The following DIP2B variants were observed in gnomAD, a reference collection of about 807,000 sequenced individuals.
DIP2B encodes the protein DIP2 acetate--CoA ligase B (putative).
In DIP2B, 76 loss-of-function variants were observed where a neutral mutation model predicts 198.0. The ratio of observed to expected loss-of-function variants is 0.38; its 90% CI spans 0.32 to 0.46. The LOEUF is 0.46. Ranked by LOEUF, DIP2B falls within the 20% of genes least tolerant of loss-of-function variation. The pLI, the probability that DIP2B is intolerant of heterozygous loss-of-function variation, is 0.99. For synonymous variants in DIP2B, 701 were observed against 739.1 expected (o/e 0.95, Z 0.84); for missense variants, 1,559 against 1,978.4 (o/e 0.79, Z 4.02).
At chr12:50,527,307 C>G (rs960758137) in intron 1 of DIP2B, among the ~76,000 whole-genome samples, 1 of 152,212 alleles carries the variant, frequency 6.6e-6, no homozygotes, top group Non-Finnish European at 1.5e-5. Flanking sequence ...ACTGTACACA[C>G]AGAGTATTTG....
At chr12:50,739,274 C>A in intron 35 of DIP2B, 135 bp from the exon 36 acceptor site, 1 of 912,318 alleles carries the variant, frequency 1.1e-6, no homozygotes, top group Non-Finnish European at 1.6e-6. Context: ...TGGTAAATGT[C>A]AGCTGCCTTT....
chr12:50,715,057 T>C (rs564126986), intron 23 of DIP2B, among the ~76,000 whole-genome samples: 1 of 152,356 alleles, frequency 6.6e-6, no homozygotes, highest in African/African-American at 2.4e-5. Context: ...TAGTCTTGGC[T>C]GCAGGTTGCA....
At chr12:50,639,016 A>G (rs1938208132) in intron 2 of DIP2B, among the ~76,000 whole-genome samples, 1 of 151,730 alleles carries the variant, frequency 6.6e-6, no homozygotes, top group African/African-American at 2.4e-5. Context: ...TTCAACCTGT[A>G]TGTTGTTTTC....
At chr12:50,734,814 T>G (rs1940107367) in intron 33 of DIP2B, among the ~76,000 whole-genome samples, 1 of 152,158 alleles carries the variant, frequency 6.6e-6, no homozygotes, top group Non-Finnish European at 1.5e-5. Flanking sequence ...CATTTTGGGT[T>G]GTCATAAAAG....
intron 1 of DIP2B, among the ~76,000 whole-genome samples, chr12:50,509,523 A>T (rs1452321918): frequency 1.3e-5 from 2 of 152,220 alleles, no homozygotes; most frequent in East Asian, 3.8e-4. Flanking sequence ...AACAGTAAAC[A>T]TAGTCCCATC....
intron 1 of DIP2B, among the ~76,000 whole-genome samples, chr12:50,571,625 T>C (rs905156331): frequency 7.3e-5 from 10 of 136,674 alleles, no homozygotes; most frequent in Non-Finnish European, 1.5e-4. Context: ...TGATCTTGGC[T>C]CACTGCACCC....
intron 2 of DIP2B, among the ~76,000 whole-genome samples, chr12:50,634,189 G>A (rs1288633232): frequency 6.6e-6 from 1 of 152,132 alleles, no homozygotes; most frequent in Non-Finnish European, 1.5e-5. Context: ...AGACTTCCAG[G>A]GAGAAGTGGC....
intron 1 of DIP2B, among the ~76,000 whole-genome samples, chr12:50,609,630 C>T (rs2139451732): frequency 6.6e-6 from 1 of 152,336 alleles, no homozygotes; most frequent in South Asian, 2.1e-4. Flanking sequence ...CACATTCTTT[C>T]TGTTGATATC....
At chr12:50,657,434 G>A (rs1938573842) in intron 3 of DIP2B, among the ~76,000 whole-genome samples, 1 of 152,074 alleles carries the variant, frequency 6.6e-6, no homozygotes, top group Non-Finnish European at 1.5e-5. Flanking sequence ...AACCAACTTT[G>A]CAATTAGAGT....
chr12:50,670,248 GA>G (rs1356620026), intron 4 of DIP2B, among the ~76,000 whole-genome samples: 2 of 150,674 alleles, frequency 1.3e-5, no homozygotes, highest in East Asian at 3.9e-4. Context: ...GAAAATTAAA[GA>G]AAGAAATACT....
At chr12:50,681,390 C>A (rs1451785113) in intron 9 of DIP2B, among the ~76,000 whole-genome samples, 2 of 151,992 alleles carry the variant, frequency 1.3e-5, no homozygotes, top group Non-Finnish European at 2.9e-5. Flanking sequence ...GAGCCATGAT[C>A]TTGCCACTGC....
intron 21 of DIP2B, among the ~76,000 whole-genome samples, chr12:50,707,618 T>C (rs1164633144): frequency 6.6e-6 from 1 of 152,154 alleles, no homozygotes; most frequent in Non-Finnish European, 1.5e-5. Context: ...TCTCTGCCCT[T>C]GTGAAGCTCA....
chr12:50,698,547 C>T, intron 18 of DIP2B, 80 bp downstream of exon 18: 1 of 1,509,278 alleles, frequency 6.6e-7, no homozygotes. Flanking sequence ...ATACAGAATC[C>T]CAAACGAGGA....
At chr12:50,653,337 TTTTC>T (rs1369733744) in intron 3 of DIP2B, among the ~76,000 whole-genome samples, 16 of 139,988 alleles carry the variant, frequency 1.1e-4, no homozygotes, top group South Asian at 6.6e-4. Flanking sequence ...TCTTTTTTTT[TTTTC>T]TTTTCTTTTT....
intron 28 of DIP2B, among the ~76,000 whole-genome samples, chr12:50,726,032 A>G (rs979721700): frequency 3.3e-5 from 5 of 152,194 alleles, no homozygotes; most frequent in Non-Finnish European, 5.9e-5. Flanking sequence ...TGGTAGGTCT[A>G]TGGTTAATGG....
chr12:50,602,258 A>G (rs1191112626), intron 1 of DIP2B, among the ~76,000 whole-genome samples: 7 of 152,170 alleles, frequency 4.6e-5, no homozygotes, highest in Admixed American at 3.3e-4. Flanking sequence ...TCTTGGCAAT[A>G]TAATCAATAT....
chr12:50,675,264 G>C, intron 6 of DIP2B, 65 bp from the exon 7 acceptor site: 1 of 1,576,502 alleles, frequency 6.3e-7, no homozygotes, highest in South Asian at 1.2e-5. Context: ...GCTCCTGAGG[G>C]AACTGAGGAA....
At chr12:50,719,447 T>C (rs1418478644) in intron 25 of DIP2B, among the ~76,000 whole-genome samples, 2 of 152,246 alleles carry the variant, frequency 1.3e-5, no homozygotes, top group African/African-American at 4.8e-5. Flanking sequence ...TTATTTCTGG[T>C]ACATAGTTAA....
intron 1 of DIP2B, among the ~76,000 whole-genome samples, chr12:50,513,715 A>G (rs1958038466): frequency 6.6e-6 from 1 of 151,982 alleles, no homozygotes; most frequent in African/African-American, 2.4e-5. Flanking sequence ...CTCTACTAAA[A>G]ATACACAAAC....
Sources: gnomAD v4.1 joint callset for allele counts (sites outside exome capture counted in the v4.1 genomes callset) on GRCh38, gnomAD v4.1.1 for gene constraint, MANE v1.5 for transcripts, NCBI Gene and HGNC (gene_info 2026-07-23, HGNC 2026-07-21) for gene names.